NEO1: variants seen among roughly 807,000 people sequenced by gnomAD.
NEO1 encodes the protein neogenin 1.
In NEO1, 63 loss-of-function variants were observed where a neutral mutation model predicts 159.7. That is an observed-to-expected ratio of 0.39 (90% CI 0.32 to 0.49). NEO1 has a LOEUF of 0.49. NEO1 is among the 20% of genes least tolerant of loss of function. The probability of loss-of-function intolerance (pLI) is 0.85; values close to 1 mark genes in which losing one functional copy is unlikely to be tolerated. For missense variants in NEO1, 1,615 were observed against 1,831.0 expected, an observed-to-expected ratio of 0.88 and a Z score of 2.15; for synonymous variants, 633 against 662.0, an observed-to-expected ratio of 0.96 and a Z score of 0.67.
intron 7 of NEO1, among the ~76,000 whole-genome samples, chr15:73,193,029 T>A (rs2036323768): frequency 6.6e-6 from 1 of 152,056 alleles, no homozygotes; most frequent in Non-Finnish European, 1.5e-5. Context: ...TGAAACAAAA[T>A]GCTATAGGAG....
chr15:73,286,329 A>T (rs1296875756), intron 23 of NEO1, among the ~76,000 whole-genome samples: 1 of 152,232 alleles, frequency 6.6e-6, no homozygotes, highest in Non-Finnish European at 1.5e-5. Context: ...CATTTCACAC[A>T]GTCAACCATT....
At position 73,122,117 on chromosome 15, in the gene NEO1, A is replaced by G; in HGVS notation, c.449-408A>G. On this transcript the variant is annotated intron_variant, in intron 2 of 28. Transcript: ENST00000261908. ...TATACACATTATATATATTATATAT[A>G]TGTATAGCAATGAATAAAGACTAGA... is the stretch of plus-strand genomic sequence containing the variant. Among the ~76,000 whole-genome samples the G allele has an allele frequency of 3.3e-4, 10 of 30,210 alleles. 1 individual carries two copies. The African/African-American group carries it at 4.5e-3, about 14-fold the overall frequency. 19.8% of individuals were successfully genotyped at this position (30,210 alleles called of 152,430 possible).
upstream of NEO1, among the ~76,000 whole-genome samples, chr15:73,052,307 C>T (rs1448361479): frequency 6.9e-6 from 1 of 145,538 alleles, no homozygotes; most frequent in African/African-American, 2.5e-5. Flanking sequence ...CCCCCCGCCC[C>T]CGCCCCCGCC....
chr15:73,233,215 G>A (rs2039003306), intron 7 of NEO1, among the ~76,000 whole-genome samples: 1 of 152,112 alleles, frequency 6.6e-6, no homozygotes, highest in African/African-American at 2.4e-5. Context: ...AATCAACCTG[G>A]GGAAAGCTGA....
chr15:73,062,016 A>G (rs1008812316), intron 1 of NEO1, among the ~76,000 whole-genome samples: 3 of 152,272 alleles, frequency 2.0e-5, no homozygotes, highest in African/African-American at 7.2e-5. Flanking sequence ...ATTTGTGCAC[A>G]TGTGCAAGTA....
chr15:73,249,451 A>G, intron 10 of NEO1, 132 bp from the exon 11 acceptor site: 1 of 1,059,926 alleles, frequency 9.4e-7, no homozygotes, highest in Non-Finnish European at 1.3e-6. Flanking sequence ...TGCTTTGACT[A>G]TTGAAGAACC....
intron 7 of NEO1, among the ~76,000 whole-genome samples, chr15:73,184,091 A>T (rs1313338420): frequency 6.6e-6 from 1 of 152,198 alleles, no homozygotes; most frequent in East Asian, 1.9e-4. Context: ...TATGCAATAG[A>T]AAGATGTTCT....
chr15:73,247,724 G>A (rs1018403720), intron 9 of NEO1, among the ~76,000 whole-genome samples: 10 of 152,098 alleles, frequency 6.6e-5, no homozygotes, highest in Non-Finnish European at 1.5e-5. Flanking sequence ...AGAAACACTA[G>A]TGCCAGAGAA....
rs199877559 is a variant in NEO1, at chr15:73,116,610, C to T, written c.201C>T (p.Gly67=). Residue 67 remains glycine, a synonymous_variant, in exon 2 of 29, where the codon GGC becomes GGT. Transcript: ENST00000261908. ...CGGTGGATACACTCTCAGTTAGAGG[C>T]TCTTCTGTTATATTAAACTGTTCAG... ...VEPVDTLSVR[G]SSVILNCSAY... 6.2e-7 allele frequency: 1 copy of T among 1,608,004 alleles called. No individual in the cohort carries two copies. Among genetic ancestry groups the T allele is most frequent in the East Asian group, 2.2e-5 (1 of 44,774 alleles).
intron 5 of NEO1, among the ~76,000 whole-genome samples, chr15:73,146,686 T>C (rs1386159689): frequency 6.6e-6 from 1 of 152,186 alleles, no homozygotes; most frequent in East Asian, 1.9e-4. Context: ...AGAAGAGAAC[T>C]TTCAGATATT....
intron 24 of NEO1, among the ~76,000 whole-genome samples, chr15:73,288,755 A>G (rs2042047555): frequency 6.6e-6 from 1 of 152,084 alleles, no homozygotes. Flanking sequence ...ATACGAGACA[A>G]TCTTGCAGAT....
chr15:73,183,257 C>G (rs1338566888), intron 7 of NEO1, among the ~76,000 whole-genome samples: 2 of 152,010 alleles, frequency 1.3e-5, no homozygotes, highest in East Asian at 3.9e-4. Context: ...CAAAGGCCTT[C>G]CCATTTACTC....
chr15:73,194,321 ATTAG>A (rs1567444979), intron 7 of NEO1, among the ~76,000 whole-genome samples: 1 of 152,140 alleles, frequency 6.6e-6, no homozygotes, highest in African/African-American at 2.4e-5. Flanking sequence ...ATGGCTTTGT[ATTAG>A]TTCATTTGCA....
At chr15:73,252,111 A>G (rs188210661) in intron 11 of NEO1, among the ~76,000 whole-genome samples, 17 of 152,316 alleles carry the variant, frequency 1.1e-4, no homozygotes, top group African/African-American at 3.4e-4. Flanking sequence ...GGCTTGAGGC[A>G]CTTTGCTAGG....
At chr15:73,237,192 T>A (rs1027378244) in intron 8 of NEO1, among the ~76,000 whole-genome samples, 105 of 152,164 alleles carry the variant, frequency 6.9e-4, no homozygotes, top group South Asian at 2.1e-4. Context: ...AGTTAATCCT[T>A]CTTGGCCCAG....
Position 73,122,093 on chromosome 15 carries a change from A to G in NEO1, c.449-432A>G, listed in dbSNP as rs1391304748. 1.1e-4 allele frequency among the ~76,000 whole-genome samples: 11 copies of G among 104,124 alleles called. 1 individual carries two copies. The highest frequency in any genetic ancestry group is 3.8e-4 in the African/African-American group (10 of 26,510). 68.3% of individuals were successfully genotyped at this position (104,124 alleles called of 152,430 possible). ...TATATATATATATATATATATATAT[A>G]TACACATTATATATATTATATATAT... On this transcript the variant is annotated intron_variant, in intron 2 of 28. Coordinates refer to ENST00000261908, the MANE Select transcript of NEO1 (RefSeq NM_002499.4).
chr15:73,278,717 C>A (rs1467554002), intron 22 of NEO1, among the ~76,000 whole-genome samples: 2 of 152,218 alleles, frequency 1.3e-5, no homozygotes, highest in Admixed American at 1.3e-4. Context: ...CATGAAGTCA[C>A]AATTGATTCT....
chr15:73,205,334 T>G (rs1460708773), intron 7 of NEO1, among the ~76,000 whole-genome samples: 1 of 152,142 alleles, frequency 6.6e-6, no homozygotes, highest in Non-Finnish European at 1.5e-5. Flanking sequence ...CCCACTTAGG[T>G]CAAACAGGAA....
chr15:73,163,370 G>C (rs1005815043), intron 5 of NEO1, among the ~76,000 whole-genome samples: 2 of 151,852 alleles, frequency 1.3e-5, no homozygotes, highest in African/African-American at 4.8e-5. Context: ...CTCCTTTATT[G>C]CCCCTTCCCC....
Sources: allele counts gnomAD v4.1 joint callset (sites outside exome capture counted in the v4.1 genomes callset), GRCh38; gene constraint gnomAD v4.1.1; transcripts MANE v1.5; gene names NCBI Gene and HGNC (gene_info 2026-07-23, HGNC 2026-07-21).